Variants in DLGAP2 observed in about 807,000 individuals in gnomAD.
The protein encoded by DLGAP2 is DLG associated protein 2.
Under a neutral mutation model 100.3 loss-of-function variants are expected in DLGAP2, and 26 were observed. The ratio of observed to expected loss-of-function variants is 0.26; its 90% CI spans 0.19 to 0.36. The LOEUF is 0.36. Ranked by LOEUF, DLGAP2 falls within the 10% of genes least tolerant of loss-of-function variation. The pLI, the probability that DLGAP2 is intolerant of heterozygous loss-of-function variation, is 1.00. For synonymous variants in DLGAP2, 886 were observed against 630.1 expected, an observed-to-expected ratio of 1.41 and a Z score of -6.08; for missense variants, 1,858 against 1,453.2, an observed-to-expected ratio of 1.28 and a Z score of -4.53.
At chr8:1,531,666 TATTCTCTAAGAGGAAA>T (rs962714224) in intron 4 of DLGAP2, among the ~76,000 whole-genome samples, 1 of 152,202 alleles carries the variant, frequency 6.6e-6, no homozygotes, top group African/African-American at 2.4e-5. Flanking sequence ...TATATTTTAA[TATTCTCTAAGAGGAAA>T]ATTCTCTTTT....
At chr8:1,629,061 C>A (rs1797581209) in intron 7 of DLGAP2, among the ~76,000 whole-genome samples, 2 of 152,226 alleles carry the variant, frequency 1.3e-5, no homozygotes, top group African/African-American at 4.8e-5. Flanking sequence ...GGCTGCAGAT[C>A]ATGCTGTGAG....
In DLGAP2 at chr8:1,227,153, G is replaced by GAGATATATATATATATATAT. The variant is rs1554506451; in HGVS notation, c.74-31697_74-31696insGATATATATATATATATATA. 6.7e-5 allele frequency among the ~76,000 whole-genome samples: 6 copies of GAGATATATATATATATATAT among 89,750 alleles called. No homozygotes were observed. The South Asian group carries it at 1.6e-3, about 24-fold the overall frequency. The allele number at this position is 89,750 out of a possible 152,430, so 58.9% of individuals were successfully genotyped here. On this transcript the variant is annotated intron_variant, in intron 2 of 14. Coordinates refer to ENST00000637795, the MANE Select transcript of DLGAP2 (RefSeq NM_001346810.2). ...AAATGAATGGGTAAGGAAACTGTGA[G>GAGATATATATATATATATAT]ATATATATATATATATATATAGTAT... is the stretch of plus-strand genomic sequence containing the variant.
chr8:790,745 T>C (rs921357424), intron 1 of DLGAP2, among the ~76,000 whole-genome samples: 1 of 152,198 alleles, frequency 6.6e-6, no homozygotes, highest in Non-Finnish European at 1.5e-5. Flanking sequence ...GAAAAGATTT[T>C]TTTTGTGTGT....
chr8:899,708 G>A (rs1798213009), intron 1 of DLGAP2, among the ~76,000 whole-genome samples: 1 of 152,144 alleles, frequency 6.6e-6, no homozygotes, highest in Non-Finnish European at 1.5e-5. Flanking sequence ...ACAAACCTAA[G>A]GCAGTTTCTT....
chr8:1,530,355 G>T lies in DLGAP2; in HGVS notation c.173-18271G>T, dbSNP rs180870373. 9.6e-3 allele frequency among the ~76,000 whole-genome samples: 1,468 copies of T among 152,270 alleles called. 22 individuals are homozygous for T. Among genetic ancestry groups the T allele is most frequent in the African/African-American group, 0.033 (1,354 of 41,542 alleles). ...TTTGAAAGAAGAGAAATATGGCTCT[G>T]TTCTGCCCAGCTCACCGGTGGTCAG... On this transcript the variant is annotated intron_variant, in intron 4 of 14. Coordinates refer to ENST00000637795, the MANE Select transcript of DLGAP2 (RefSeq NM_001346810.2).
intron 3 of DLGAP2, among the ~76,000 whole-genome samples, chr8:1,266,339 G>A (rs554174942): frequency 1.3e-5 from 2 of 152,314 alleles, no homozygotes; most frequent in South Asian, 4.1e-4. Flanking sequence ...GTTTCCAGAT[G>A]AGCGCAGATT....
At chr8:1,183,186 T>C (rs1364882151) in intron 2 of DLGAP2, among the ~76,000 whole-genome samples, 1 of 151,812 alleles carries the variant, frequency 6.6e-6, no homozygotes, top group Non-Finnish European at 1.5e-5. Context: ...GGATCTAGGA[T>C]GGAGCCGAGA....
chr8:813,723 C>T (rs1452368562), intron 1 of DLGAP2, among the ~76,000 whole-genome samples: 9 of 152,272 alleles, frequency 5.9e-5, no homozygotes, highest in African/African-American at 1.4e-4. Flanking sequence ...TTCCCTCTTT[C>T]CCCAGCTCTG....
intron 7 of DLGAP2, among the ~76,000 whole-genome samples, chr8:1,629,561 G>C (rs968275481): frequency 6.6e-6 from 1 of 152,216 alleles, no homozygotes; most frequent in Non-Finnish European, 1.5e-5. Context: ...ACTAAACAGA[G>C]TAACTGAAAG....
chr8:965,273 G>A (rs539201086), intron 2 of DLGAP2, among the ~76,000 whole-genome samples: 5 of 117,618 alleles, frequency 4.3e-5, no homozygotes, highest in East Asian at 2.7e-4. Context: ...CAACCCCCGC[G>A]TGCACACGGC....
At chr8:1,655,075 T>C (rs137856214) in intron 8 of DLGAP2, among the ~76,000 whole-genome samples, 9 of 152,358 alleles carry the variant, frequency 5.9e-5, no homozygotes, top group African/African-American at 1.7e-4. Flanking sequence ...TATAATTTCT[T>C]GCTAATTAAC....
At chr8:1,257,800 CA>C (rs1385676855) in intron 2 of DLGAP2, among the ~76,000 whole-genome samples, 3 of 152,216 alleles carry the variant, frequency 2.0e-5, no homozygotes, top group African/African-American at 7.2e-5. Flanking sequence ...GCTGTCCCTG[CA>C]GTCTTGATAT....
At chr8:984,173 G>GA (rs1221204773) in intron 2 of DLGAP2, among the ~76,000 whole-genome samples, 1 of 152,088 alleles carries the variant, frequency 6.6e-6, no homozygotes, top group Non-Finnish European at 1.5e-5. Context: ...ATCTTGAATT[G>GA]AGACTTAAAC....
chr8:954,800 T>C (rs1799559246), intron 2 of DLGAP2, among the ~76,000 whole-genome samples: 1 of 152,082 alleles, frequency 6.6e-6, no homozygotes. Context: ...CCAGGAGTCT[T>C]TGAGGGTAGG....
chr8:1,540,721 C>A (rs1409631935), intron 4 of DLGAP2, among the ~76,000 whole-genome samples: 1 of 152,218 alleles, frequency 6.6e-6, no homozygotes, highest in African/African-American at 2.4e-5. Context: ...CCAGCGTGGG[C>A]GGCCGTGACC....
intron 3 of DLGAP2, among the ~76,000 whole-genome samples, chr8:1,480,697 A>T (rs1230362347): frequency 7.3e-6 from 1 of 136,542 alleles, no homozygotes; most frequent in Non-Finnish European, 1.6e-5. Context: ...TAATAATAAT[A>T]AAAAAAAAAA....
chr8:1,447,630 TC>T (rs1473450480), intron 3 of DLGAP2, among the ~76,000 whole-genome samples: 2 of 152,272 alleles, frequency 1.3e-5, no homozygotes, highest in African/African-American at 4.8e-5. Flanking sequence ...TCCATCTTTT[TC>T]TATTGATTGG....
At chr8:1,287,908 TTTG>T (rs1210285677) in intron 3 of DLGAP2, among the ~76,000 whole-genome samples, 2 of 131,186 alleles carry the variant, frequency 1.5e-5, no homozygotes, top group Non-Finnish European at 3.2e-5. Flanking sequence ...TGTGTGTGGT[TTTG>T]TTAGGAGGGG....
At chr8:1,200,581 A>G (rs1797849528) in intron 2 of DLGAP2, among the ~76,000 whole-genome samples, 1 of 152,156 alleles carries the variant, frequency 6.6e-6, no homozygotes, top group Admixed American at 6.5e-5. Context: ...TCCCGCCTGC[A>G]CGTCCCACTG....
Sources: allele counts gnomAD v4.1 joint callset (sites outside exome capture counted in the v4.1 genomes callset), GRCh38; gene constraint gnomAD v4.1.1; transcripts MANE v1.5; gene names NCBI Gene and HGNC (gene_info 2026-07-23, HGNC 2026-07-21).